Variants in DNAAF2 observed in about 807,000 individuals in gnomAD.
DNAAF2 encodes the protein protein kintoun.
In DNAAF2, 58 loss-of-function variants were observed where a neutral mutation model predicts 48.8. That is an observed-to-expected ratio of 1.19 (90% confidence interval 0.96 to 1.48). The LOEUF is 1.48. Among genes scored for constraint, DNAAF2 ranks in the 40% most tolerant of loss-of-function variants. DNAAF2 has a pLI of 0.00. For missense variants in DNAAF2, 1,241 were observed against 1,116.1 expected (o/e 1.11, Z -1.59); for synonymous variants, 567 against 481.2 (o/e 1.18, Z -2.33).
chr14:49,629,670 A>C (rs1271128424), intron 1 of DNAAF2: 1 of 152,002 alleles, frequency 6.6e-6, no homozygotes, highest in African/African-American at 2.4e-5. Context: ...TCTCAAAAAA[A>C]AAAATTTGAC....
At chr14:49,626,174 A>C in intron 2 of DNAAF2, 126 bp from the exon 3 acceptor site, 1 of 714,172 alleles carries the variant, frequency 1.4e-6, no homozygotes, top group Non-Finnish European at 2.0e-6. Context: ...GCAGGTATAC[A>C]TCCAGGCTTT....
rs756733596 is a variant in DNAAF2 at position 49,634,385 on chromosome 14, G to A, written c.765C>T (p.Tyr255=). 2 of 1,596,858 alleles carry A rather than the reference G, an allele frequency of 1.3e-6. No individual in the cohort carries two copies. Among genetic ancestry groups the A allele is most frequent in the Non-Finnish European group, 1.7e-6 (2 of 1,171,280 alleles). Residue 255 remains tyrosine (Y), a synonymous_variant, in exon 1 of 3, where the codon TAC becomes TAT. Transcript: ENST00000298292. ...CCACGTGGTGGCGCTGCACCACGCT[G>A]TAGCGAGGCTCGGTGGGGGCGGGCT... ...ALQPAPTEPR[Y]SVVQRHHVDL...
Position 49,625,653 on chromosome 14 carries a change from G to A in DNAAF2, c.2403C>T (p.Phe801=), listed in dbSNP as rs569229202. 13 of 1,613,590 alleles carry A rather than the reference G, an allele frequency of 8.1e-6. No individual in the cohort carries two copies. The highest frequency in any genetic ancestry group is 4.0e-5 in the African/African-American group (3 of 75,000). ...NKTTVHNIPG[F]DSIKETNMQD... is the part of the protein sequence containing the mutation. ...GCATATTGGTTTCTTTTATGCTGTC[G>A]AATCCAGGTATATTGTGAACCGTAG... Residue 801 remains phenylalanine, a synonymous_variant, in exon 3 of 3, where the codon TTC becomes TTT. Coordinates refer to ENST00000298292, the MANE Select transcript of DNAAF2 (RefSeq NM_018139.3).
At position 49,627,992 on chromosome 14, in the gene DNAAF2, G is replaced by A; in HGVS notation, c.2007+20C>T. 1 of 1,552,364 alleles carries A rather than the reference G, an allele frequency of 6.4e-7. No individual in the cohort carries two copies. The highest frequency in any genetic ancestry group is 1.8e-4 in the Middle Eastern group (1 of 5,662). On this transcript the variant is annotated intron_variant, in intron 2 of 2. Coordinates refer to ENST00000298292, the MANE Select transcript of DNAAF2 (RefSeq NM_018139.3). ...CTCTGTGCTTCATTACTCCTCTATA[G>A]AGCCCATCAACTTCCTTACCTTTGC...
rs1306180004 is a variant in DNAAF2, at chr14:49,635,096, C to T, written c.54G>A (p.Glu18=). The T allele has an allele frequency of 1.3e-6, 2 of 1,580,918 alleles. No individual in the cohort carries two copies. Among genetic ancestry groups the T allele is most frequent in the African/African-American group, 1.3e-5 (1 of 74,182 alleles). The part of the protein sequence containing the change: ...SSLEDLDLSG[E]EVQRLTSAFQ... Reference sequence around the variant, plus strand: ...AGGCGGAGGTGAGCCGCTGGACCTCCTCTCCGCTCAGGTCCAAGTCCTCCA... The same window carrying T: ...AGGCGGAGGTGAGCCGCTGGACCTCTTCTCCGCTCAGGTCCAAGTCCTCCA... The change falls in exon 1 of 3, where the codon GAG becomes GAA. Residue 18 remains glutamate (E), a synonymous_variant. Transcript: ENST00000298292.
chr14:49,625,550 A>G lies in DNAAF2; in HGVS notation c.2506T>C (p.Leu836=). ...FSFQNSLLYD[L]D ...TCCAAAATTATATAGAATTAATCCA[A>G]ATCATATAGCAAAGAATTCTGAAAA... Residue 836 remains leucine (L), a synonymous_variant, in exon 3 of 3, where the codon TTG becomes CTG. Coordinates refer to ENST00000298292, the MANE Select transcript of DNAAF2 (RefSeq NM_018139.3). 6.3e-7 allele frequency: 1 copy of G among 1,584,014 alleles called. No individual in the cohort carries two copies. Among genetic ancestry groups the G allele is most frequent in the Non-Finnish European group, 8.6e-7 (1 of 1,166,680 alleles).
intron 1 of DNAAF2, among the ~76,000 whole-genome samples, chr14:49,632,674 G>C (rs1481377066): frequency 7.8e-6 from 1 of 127,868 alleles, no homozygotes; most frequent in African/African-American, 2.7e-5. Flanking sequence ...TCAAAGTCCT[G>C]ACCTCAGAAG....
chr14:49,634,827 C>G lies in DNAAF2; in HGVS notation c.323G>C (p.Gly108Ala), dbSNP rs1472185709. 1 of 1,546,442 alleles carries G rather than the reference C, an allele frequency of 6.5e-7. No homozygotes were observed. The highest frequency in any genetic ancestry group is 8.7e-7 in the Non-Finnish European group (1 of 1,147,188). ...VGAPSSRPGS[G>A]GDRGAAPGSH... ...GCCAGGAGCTGCGCCCCGGTCGCCACCGGAGCCGGGCCGGCTGCTGGGCGC... is the reference window on the plus strand; with the variant it reads ...GCCAGGAGCTGCGCCCCGGTCGCCAGCGGAGCCGGGCCGGCTGCTGGGCGC... Residue 108 changes from glycine to alanine, a missense_variant, in exon 1 of 3, where the codon GGT (glycine) becomes GCT (alanine). By Grantham distance (60) the Gly-to-Ala change is moderately conservative (BLOSUM62 0). Transcript: ENST00000298292.
Position 49,626,799 on chromosome 14 carries a change from C to T in DNAAF2, c.2008-751G>A, listed in dbSNP as rs111332776. Among the ~76,000 whole-genome samples, 315 of 63,406 alleles carry T rather than the reference C, an allele frequency of 5.0e-3. 1 individual carries two copies. The highest frequency in any genetic ancestry group is 0.02 in the African/African-American group (293 of 14,322). 41.6% of individuals were successfully genotyped at this position (63,406 alleles called of 152,430 possible). A position where few individuals can be genotyped will look rare whatever the true frequency, so the allele number is the denominator to read the frequency against. ...CCATCACGACTAGTCTGCTGCCAGTCTTTTTTTTTTTTTTTTTTTTTTTTG... is the reference window on the plus strand; with the variant it reads ...CCATCACGACTAGTCTGCTGCCAGTTTTTTTTTTTTTTTTTTTTTTTTTTG... On this transcript the variant is annotated intron_variant, in intron 2 of 2. Coordinates refer to ENST00000298292, the MANE Select transcript of DNAAF2 (RefSeq NM_018139.3).
chr14:49,626,295 T>G (rs1883004933), intron 2 of DNAAF2, among the ~76,000 whole-genome samples: 1 of 151,954 alleles, frequency 6.6e-6, no homozygotes, highest in Admixed American at 6.6e-5. Context: ...CGAGACCAGC[T>G]TGGCCAACAT....
Position 49,634,595 on chromosome 14 carries a change from G to T in DNAAF2, c.555C>A (p.Ala185=), listed in dbSNP as rs1247020612. 6.2e-7 allele frequency: 1 copy of T among 1,606,344 alleles called. No homozygotes were observed. Among genetic ancestry groups the T allele is most frequent in the East Asian group, 2.2e-5 (1 of 44,868 alleles). Residue 185 remains alanine (A), a synonymous_variant, in exon 1 of 3, where the codon GCC becomes GCA. Transcript: ENST00000298292. Reference sequence around the variant, plus strand: ...CCTTATACTTGGCCTTCAGGGTCTTGGCATTCCTGCGGTCCAGCTTCACGC... The same window carrying T: ...CCTTATACTTGGCCTTCAGGGTCTTTGCATTCCTGCGGTCCAGCTTCACGC... ...QFGVKLDRRN[A]KTLKAKYKGT...
chr14:49,633,520 G>C lies in DNAAF2; in HGVS notation c.1630C>G (p.Gln544Glu). 1 of 1,614,036 alleles carries C rather than the reference G, an allele frequency of 6.2e-7. No homozygotes were observed. Among genetic ancestry groups the C allele is most frequent in the Non-Finnish European group, 8.5e-7 (1 of 1,179,900 alleles). ...AAATCTCCTTGAAGACTTTGCGGCT[G>C]GATCCGAGGCACCTGAATGAGCAGA... ...LTLLIQVPRIQPQSLQGDLNP... is the reference protein window; with the variant it reads ...LTLLIQVPRIEPQSLQGDLNP... The change falls in exon 1 of 3, where the codon CAG (glutamine) becomes GAG (glutamate). Residue 544 changes from glutamine (Q) to glutamate (E), a missense_variant. Physicochemically the swap from Gln to Glu is conservative, Grantham distance 29. Coordinates refer to ENST00000298292, the MANE Select transcript of DNAAF2 (RefSeq NM_018139.3).
chr14:49,633,045 C>T (rs552109665), intron 1 of DNAAF2, among the ~76,000 whole-genome samples: 1 of 152,174 alleles, frequency 6.6e-6, no homozygotes, highest in South Asian at 2.1e-4. Context: ...CCTCAGCCTC[C>T]CGAGCAGCTA....
In DNAAF2 at chr14:49,633,745, AAGGGG is replaced by A; in HGVS notation, c.1400_1404del (p.Ser467LeufsTer22). On this transcript the variant is annotated frameshift_variant, in exon 1 of 3. Coordinates refer to ENST00000298292, the MANE Select transcript of DNAAF2 (RefSeq NM_018139.3). LOFTEE classifies it high-confidence loss of function. ...CACGCCAGGCTCCGGGAGGACAAAC[AAGGGG>A]AGCCTCCGCCACCAGGTGAGTTTTC... The A allele has an allele frequency of 6.3e-7, 1 of 1,593,756 alleles. No individual in the cohort carries two copies. Among genetic ancestry groups the A allele is most frequent in the South Asian group, 1.1e-5 (1 of 89,650 alleles).
At chr14:49,628,790 G>C (rs1056732257) in intron 1 of DNAAF2, among the ~76,000 whole-genome samples, 6 of 151,976 alleles carry the variant, frequency 3.9e-5, no homozygotes, top group African/African-American at 1.2e-4. Context: ...ATCATCTCTA[G>C]GGCTATAAAT....
In DNAAF2 at chr14:49,633,992, C is replaced by T. The variant is rs1012224417; in HGVS notation, c.1158G>A (p.Gly386=). 3.3e-6 allele frequency: 5 copies of T among 1,524,234 alleles called. No individual in the cohort carries two copies. Among genetic ancestry groups the T allele is most frequent in the Non-Finnish European group, 4.4e-6 (5 of 1,142,294 alleles). The allele number at this position is 1,524,234 out of a possible 1,614,324, so 94.4% of individuals were successfully genotyped here. A position where few individuals can be genotyped will look rare whatever the true frequency, so the allele number is the denominator to read the frequency against. The change falls in exon 1 of 3, where the codon GGG becomes GGA. Residue 386 remains glycine, a synonymous_variant. Coordinates refer to ENST00000298292, the MANE Select transcript of DNAAF2 (RefSeq NM_018139.3). ...CGCGACTCCTCGCGGGTCCCGCCTC[C>T]CCCTCGCGAGCGGAAGCGCAGGCCT... ...DGQACASARE[G]EAGPARSRAE...
chr14:49,626,379 C>T (rs556223800), intron 2 of DNAAF2, among the ~76,000 whole-genome samples: 135 of 152,212 alleles, frequency 8.9e-4, no homozygotes, highest in East Asian at 1.4e-3. Flanking sequence ...ATCCCCTCTA[C>T]TTGAGAGGCT....
rs372187942 is a variant in DNAAF2, at chr14:49,626,844, C to T, written c.2008-796G>A. Among the ~76,000 whole-genome samples, 76 of 117,224 alleles carry T rather than the reference C, an allele frequency of 6.5e-4. 1 individual carries two copies. The South Asian group carries it at 0.017, about 26-fold the overall frequency. 76.9% of individuals were successfully genotyped at this position (117,224 alleles called of 152,430 possible). A position where few individuals can be genotyped will look rare whatever the true frequency, so the allele number is the denominator to read the frequency against. The stretch of plus-strand genomic sequence containing the variant: ...TTTTTGAGATTGAGTCTGGCTCTGT[C>T]GCCCAGGCTGGAGTGCAGTGGCGCA... On this transcript the variant is annotated intron_variant, in intron 2 of 2. Transcript: ENST00000298292.
In DNAAF2 at chr14:49,625,410, TTTTTTAA is replaced by T; in HGVS notation, c.*125_*131del. 1.4e-6 allele frequency: 1 copy of T among 690,084 alleles called. No homozygotes were observed. The highest frequency in any genetic ancestry group is 3.5e-5 in the East Asian group (1 of 28,974). The allele number at this position is 690,084 out of a possible 1,614,324, so 42.7% of individuals were successfully genotyped here. A position where few individuals can be genotyped will look rare whatever the true frequency, so the allele number is the denominator to read the frequency against. ...TCCCCCATGAGAATCAAAATTGCAA[TTTTTTAA>T]AAAAAATTGCAAATTTTAATTTTAT... On this transcript the variant is annotated 3_prime_UTR_variant, in exon 3 of 3. Transcript: ENST00000298292.
Sources: allele counts gnomAD v4.1 joint callset (sites outside exome capture counted in the v4.1 genomes callset), GRCh38; gene constraint gnomAD v4.1.1; transcripts MANE v1.5; gene names NCBI Gene and HGNC (gene_info 2026-07-23, HGNC 2026-07-21).